The following PRR5L variants were observed in gnomAD, a reference collection of about 807,000 sequenced individuals.
PRR5L encodes proline-rich protein 5-like.
PRR5L carries 21 observed loss-of-function variants against 36.4 expected under a neutral mutation model. The ratio of observed to expected loss-of-function variants is 0.58; its 90% CI spans 0.41 to 0.83. The LOEUF is 0.83. Ranked by LOEUF, PRR5L falls within the 40% of genes least tolerant of loss-of-function variation. The pLI is 0.00. For missense variants in PRR5L, 381 were observed against 473.3 expected (o/e 0.80, Z 1.81); for synonymous variants, 188 against 197.0 (o/e 0.95, Z 0.38).
intron 4 of PRR5L, among the ~76,000 whole-genome samples, chr11:36,429,657 A>C (rs982648919): frequency 6.6e-6 from 1 of 152,210 alleles, no homozygotes; most frequent in Admixed American, 6.5e-5. Context: ...CTGGAACATC[A>C]GTGTTGACAC....
At chr11:36,387,752 A>C (rs942729765) in intron 1 of PRR5L, among the ~76,000 whole-genome samples, 5 of 152,238 alleles carry the variant, frequency 3.3e-5, no homozygotes, top group African/African-American at 1.2e-4. Context: ...GGCTTACCTT[A>C]TACCTGGCTT....
rs976564657 is a variant in PRR5L at position 36,463,871 on chromosome 11, C to T, written c.*1135C>T. 5.3e-5 allele frequency: 8 copies of T among 152,164 alleles called. No individual in the cohort carries two copies. The highest frequency in any genetic ancestry group is 1.9e-4 in the African/African-American group (8 of 41,486). The allele number at this position is 152,164 out of a possible 1,614,324, so 9.4% of individuals were successfully genotyped here. On this transcript the variant is annotated 3_prime_UTR_variant, in exon 9 of 9. Transcript: ENST00000530639. ...TGTAAATTCGTAAATTTCATGGTTT[C>T]TAGGAAAAGCTGCATTGGGGTGGGG...
At chr11:36,442,107 C>T (rs1039645344) in intron 6 of PRR5L, among the ~76,000 whole-genome samples, 1 of 152,148 alleles carries the variant, frequency 6.6e-6, no homozygotes, top group African/African-American at 2.4e-5. Flanking sequence ...GCACCTGTTT[C>T]CCTTTTAGTC....
intron 1 of PRR5L, among the ~76,000 whole-genome samples, chr11:36,386,108 C>G (rs1402197300): frequency 3.3e-5 from 5 of 152,046 alleles, no homozygotes; most frequent in African/African-American, 1.2e-4. Flanking sequence ...CTAGTCTGGG[C>G]AACACAGCAA....
chr11:36,412,158 G>A (rs886120039), intron 3 of PRR5L, among the ~76,000 whole-genome samples: 10 of 152,170 alleles, frequency 6.6e-5, no homozygotes, highest in Non-Finnish European at 1.5e-4. Context: ...CCAGGATGCA[G>A]AGCCAGGCAG....
intron 1 of PRR5L, among the ~76,000 whole-genome samples, chr11:36,378,243 A>G (rs776633750): frequency 5.3e-5 from 8 of 152,202 alleles, no homozygotes; most frequent in Non-Finnish European, 1.2e-4. Context: ...CACATTTAAA[A>G]TTTAGCCCCT....
intron 1 of PRR5L, among the ~76,000 whole-genome samples, chr11:36,347,082 T>C (rs1398307821): frequency 6.6e-6 from 1 of 152,230 alleles, no homozygotes; most frequent in Admixed American, 6.5e-5. Context: ...GAATATCGTG[T>C]ATGTGTTTTA....
chr11:36,350,954 A>ATATATATT (rs1387243219), intron 1 of PRR5L, among the ~76,000 whole-genome samples: 509 of 13,990 alleles, frequency 0.036, 131 homozygotes, highest in African/African-American at 0.098. Flanking sequence ...ATATATATTT[A>ATATATATT]TATATATTTA....
intron 8 of PRR5L, among the ~76,000 whole-genome samples, chr11:36,455,907 C>T (rs1376982812): frequency 1.3e-5 from 2 of 152,146 alleles, no homozygotes; most frequent in Admixed American, 6.5e-5. Flanking sequence ...CACAGCCTTG[C>T]GGTCCCTGTG....
At chr11:36,450,435 G>C (rs1006530084) in intron 7 of PRR5L, among the ~76,000 whole-genome samples, 1 of 152,168 alleles carries the variant, frequency 6.6e-6, no homozygotes. Context: ...GCAAGAAGCT[G>C]AACTCCCCAG....
At chr11:36,307,717 T>C (rs1408491002) in intron 1 of PRR5L, among the ~76,000 whole-genome samples, 1 of 152,340 alleles carries the variant, frequency 6.6e-6, no homozygotes, top group East Asian at 1.9e-4. Context: ...CTGTGGGCGA[T>C]GGGATCAGGT....
chr11:36,346,701 T>C (rs1856869460), intron 1 of PRR5L, among the ~76,000 whole-genome samples: 1 of 152,162 alleles, frequency 6.6e-6, no homozygotes, highest in Non-Finnish European at 1.5e-5. Flanking sequence ...GGAGCATTCA[T>C]ATTATGAAAT....
Position 36,440,532 on chromosome 11 carries a change from T to C in PRR5L, c.444+3056T>C, listed in dbSNP as rs77495248. Among the ~76,000 whole-genome samples, 770 of 152,210 alleles carry C rather than the reference T, an allele frequency of 5.1e-3. 11 individuals are homozygous for C. The highest frequency in any genetic ancestry group is 0.049 in the East Asian group (255 of 5,176). ...TCTAGACCCAAATGACTACAGGTAT[T>C]TCATATGAAGAAATGATGGCAACAG... On this transcript the variant is annotated intron_variant, in intron 6 of 8. Coordinates refer to ENST00000530639, the MANE Select transcript of PRR5L (RefSeq NM_001160167.2).
At chr11:36,404,092 A>G (rs1857858348) in intron 3 of PRR5L, among the ~76,000 whole-genome samples, 1 of 152,148 alleles carries the variant, frequency 6.6e-6, no homozygotes, top group East Asian at 1.9e-4. Context: ...TGCGCATGCA[A>G]AGTTCCTCTG....
chr11:36,305,734 A>C (rs114165973), intron 1 of PRR5L, among the ~76,000 whole-genome samples: 56 of 152,282 alleles, frequency 3.7e-4, no homozygotes, highest in African/African-American at 1.3e-3. Context: ...CACCGTCTAT[A>C]AACCAGAAAG....
chr11:36,346,669 G>A (rs1856869139), intron 1 of PRR5L, among the ~76,000 whole-genome samples: 1 of 152,226 alleles, frequency 6.6e-6, no homozygotes, highest in East Asian at 1.9e-4. Flanking sequence ...TCTAGCAATA[G>A]TGAAATAATA....
At chr11:36,326,378 C>A (rs1856663094) in intron 1 of PRR5L, among the ~76,000 whole-genome samples, 1 of 151,402 alleles carries the variant, frequency 6.6e-6, no homozygotes, top group Non-Finnish European at 1.5e-5. Context: ...AAATTAACAA[C>A]CATCTATGAT....
intron 7 of PRR5L, 113 bp from the exon 8 acceptor site, chr11:36,451,096 C>A: frequency 7.5e-7 from 1 of 1,327,070 alleles, no homozygotes; most frequent in Non-Finnish European, 1.0e-6. Context: ...TGCTGCCTGC[C>A]AGCAACACAG....
chr11:36,346,482 T>C (rs936917404), intron 1 of PRR5L, among the ~76,000 whole-genome samples: 1 of 150,988 alleles, frequency 6.6e-6, no homozygotes. Context: ...ACTCGGGAGG[T>C]TGAGGCAGGA....
Sources: allele counts gnomAD v4.1 joint callset (sites outside exome capture counted in the v4.1 genomes callset), GRCh38; gene constraint gnomAD v4.1.1; transcripts MANE v1.5; gene names NCBI Gene and HGNC (gene_info 2026-07-23, HGNC 2026-07-21).